Variants in WRN observed in about 807,000 individuals in gnomAD.
The protein encoded by WRN is WRN RecQ like helicase.
A neutral mutation model predicts 180.7 loss-of-function variants in WRN; 149 were observed. That is an observed-to-expected ratio of 0.82 (90% CI 0.72 to 0.94). The LOEUF (loss-of-function observed/expected upper bound fraction) is 0.94, where lower values mean the gene tolerates loss of function less well. Ranked by LOEUF, WRN falls within the 40% of genes least tolerant of loss-of-function variation. The pLI, the probability that WRN is intolerant of heterozygous loss-of-function variation, is 0.00. For synonymous variants in WRN, 548 were observed against 568.9 expected (o/e 0.96, Z 0.52); for missense variants, 1,661 against 1,700.1 (o/e 0.98, Z 0.40).
At chr8:31,128,985 A>G (rs200273078) in intron 23 of WRN, among the ~76,000 whole-genome samples, 1 of 150,652 alleles carries the variant, frequency 6.6e-6, no homozygotes, top group African/African-American at 2.4e-5. Flanking sequence ...ATTTTTTTTT[A>G]TTTTTTTGAC....
chr8:31,152,011 C>T (rs899293965), intron 31 of WRN, among the ~76,000 whole-genome samples: 1 of 151,590 alleles, frequency 6.6e-6, no homozygotes. Flanking sequence ...GAAAAATATG[C>T]TAAAATATTT....
At chr8:31,049,566 G>A (rs1420017104) in intron 1 of WRN, among the ~76,000 whole-genome samples, 1 of 109,210 alleles carries the variant, frequency 9.2e-6, no homozygotes. Flanking sequence ...TTTGAGTGAG[G>A]TCCAATGGGT....
chr8:31,163,928 C>T (rs1803741052), intron 33 of WRN, among the ~76,000 whole-genome samples: 1 of 150,676 alleles, frequency 6.6e-6, no homozygotes, highest in Admixed American at 6.6e-5. Flanking sequence ...TCATAGCTTA[C>T]TGCAGCCTTG....
intron 33 of WRN, among the ~76,000 whole-genome samples, chr8:31,166,371 A>G (rs1169495339): frequency 6.6e-6 from 1 of 152,186 alleles, no homozygotes; most frequent in Non-Finnish European, 1.5e-5. Flanking sequence ...AGGGTGCTAC[A>G]TAATTTTAGA....
At chr8:31,094,379 T>G (rs1229172984) in intron 16 of WRN, among the ~76,000 whole-genome samples, 1 of 150,838 alleles carries the variant, frequency 6.6e-6, no homozygotes, top group Non-Finnish European at 1.5e-5. Flanking sequence ...AGGGTCTCCC[T>G]CTGTCTCCCG....
In WRN at chr8:31,059,206, T is replaced by C. The variant is rs1457303497; in HGVS notation, c.150T>C (p.Thr50=). The part of the protein sequence containing the change: ...FEDDLPFLEF[T]GSIVYSYDAS... ...ATGACCTCCCCTTCTTAGAATTCAC[T>C]GGATCCATTGTGTATAGTTACGATG... The change falls in exon 3 of 35, where the codon ACT becomes ACC. Residue 50 remains threonine (T), a synonymous_variant. Transcript: ENST00000298139. 1 of 1,613,800 alleles carries C rather than the reference T, an allele frequency of 6.2e-7. No individual in the cohort carries two copies. Among genetic ancestry groups the C allele is most frequent in the Non-Finnish European group, 8.5e-7 (1 of 1,179,906 alleles).
In WRN at chr8:31,058,404, T is replaced by C; in HGVS notation, c.-44T>C. 6.5e-7 allele frequency: 1 copy of C among 1,535,634 alleles called. No individual in the cohort carries two copies. ...TCAGATATTGTTTTGTATTTACCCA[T>C]GAAGACATTGTTTTTTGGACTCTGC... is the stretch of plus-strand genomic sequence containing the variant. On this transcript the variant is annotated 5_prime_UTR_variant, in exon 2 of 35. The change abolishes an upstream ATG in the 5' untranslated region. Coordinates refer to ENST00000298139, the MANE Select transcript of WRN (RefSeq NM_000553.6).
chr8:31,078,738 T>A (rs1311309492), intron 8 of WRN, among the ~76,000 whole-genome samples: 1 of 152,224 alleles, frequency 6.6e-6, no homozygotes, highest in East Asian at 1.9e-4. Flanking sequence ...CTTGACATTC[T>A]GCTGGGTGCT....
At chr8:31,077,088 C>T (rs958150749) in intron 8 of WRN, among the ~76,000 whole-genome samples, 1 of 152,132 alleles carries the variant, frequency 6.6e-6, no homozygotes, top group African/African-American at 2.4e-5. Flanking sequence ...CGAAAAAGTG[C>T]AGTTAATGTA....
intron 23 of WRN, 110 bp downstream of exon 23, chr8:31,125,110 AC>A (rs1001617466): frequency 1.9e-5 from 20 of 1,035,786 alleles, no homozygotes; most frequent in Non-Finnish European, 3.0e-5. Flanking sequence ...TTTAAACAAA[AC>A]AATGAATGTG....
intron 21 of WRN, among the ~76,000 whole-genome samples, chr8:31,122,860 G>GTTTT (rs71206298): frequency 0.018 from 1,238 of 69,436 alleles, 139 homozygotes; most frequent in African/African-American, 0.041. Context: ...TTCTTTTCTT[G>GTTTT]TTTTTTTTTT....
Position 31,120,295 on chromosome 8 carries a change from G to A in WRN, c.2501G>A (p.Arg834His), listed in dbSNP as rs201442356. Residue 834 changes from arginine (R) to histidine (H), a missense_variant, in exon 21 of 35, where the codon CGC (arginine) becomes CAC (histidine). Transcript: ENST00000298139. ...ATGGGCATTAATAAAGCTGACATTC[G>A]CCAAGTCATTCATTACGGTGCTCCT... is the stretch of plus-strand genomic sequence containing the variant. Reference protein sequence around the residue: ...FGMGINKADIRQVIHYGAPKD... With the variant: ...FGMGINKADIHQVIHYGAPKD... 2.5e-5 allele frequency: 41 copies of A among 1,612,878 alleles called. No homozygotes were observed. The highest frequency in any genetic ancestry group is 3.3e-5 in the South Asian group (3 of 91,054).
intron 3 of WRN, among the ~76,000 whole-genome samples, chr8:31,060,241 T>A (rs1812438894): frequency 6.6e-6 from 1 of 151,080 alleles, no homozygotes; most frequent in Non-Finnish European, 1.5e-5. Context: ...ACCTGTCTTT[T>A]AAAAAAAAAA....
intron 32 of WRN, 87 bp from the exon 33 acceptor site, chr8:31,157,281 A>G: frequency 1.3e-6 from 2 of 1,568,416 alleles, no homozygotes; most frequent in Non-Finnish European, 1.7e-6. Flanking sequence ...CTGAGCATTT[A>G]CTACCTGAAT....
At chr8:31,167,653 T>C (rs1323491216) in intron 34 of WRN, among the ~76,000 whole-genome samples, 1 of 152,118 alleles carries the variant, frequency 6.6e-6, no homozygotes, top group Non-Finnish European at 1.5e-5. Context: ...ATTGAATATC[T>C]GAGGTACCAG....
rs575399689 is a variant in WRN at position 31,137,836 on chromosome 8, T to C, written c.2968-3594T>C. Among the ~76,000 whole-genome samples, 8 of 151,914 alleles carry C rather than the reference T, an allele frequency of 5.3e-5. No homozygotes were observed. In the South Asian group the frequency reaches 1.7e-3, roughly 31 times the overall value. On this transcript the variant is annotated intron_variant, in intron 24 of 34. Coordinates refer to ENST00000298139, the MANE Select transcript of WRN (RefSeq NM_000553.6). ...TATAATAAGAAAAAATTAGCATTTA[T>C]GCCTGTAATCCCAGCACTTTGGGAG...
chr8:31,100,333 T>G (rs1261691002), intron 17 of WRN, among the ~76,000 whole-genome samples: 1 of 152,204 alleles, frequency 6.6e-6, no homozygotes, highest in Non-Finnish European at 1.5e-5. Flanking sequence ...TCCCATACCA[T>G]TTTACATTAG....
chr8:31,157,462 G>A lies in WRN; in HGVS notation c.3914G>A (p.Arg1305Gln), dbSNP rs775535952. Residue 1305 changes from arginine to glutamine, a missense_variant, in exon 33 of 35, where the codon CGA becomes CAA. Around this residue, in one of 3 missense-constraint regions of WRN, gnomAD observed 1,141 missense variants for 1,149.4 expected, o/e 0.99. Coordinates refer to ENST00000298139, the MANE Select transcript of WRN (RefSeq NM_000553.6). ...GCTGGCTGCCCCCTTGATTTGGAGC[G>A]AGCAGGCCTGACTCCAGAGGTTCAG... is the stretch of plus-strand genomic sequence containing the variant. Reference protein sequence around the residue: ...VKAGCPLDLERAGLTPEVQKI... With the variant: ...VKAGCPLDLEQAGLTPEVQKI... 1.9e-6 allele frequency: 3 copies of A among 1,614,052 alleles called. No individual in the cohort carries two copies. Among genetic ancestry groups the A allele is most frequent in the South Asian group, 2.2e-5 (2 of 91,064 alleles).
chr8:31,115,055 C>G (rs1256186952), intron 19 of WRN, among the ~76,000 whole-genome samples: 1 of 151,926 alleles, frequency 6.6e-6, no homozygotes, highest in Non-Finnish European at 1.5e-5. Flanking sequence ...GCCACCATGC[C>G]CTGCTAATTT....
Sources: gnomAD v4.1 joint callset for allele counts (sites outside exome capture counted in the v4.1 genomes callset) on GRCh38, gnomAD v4.1.1 for gene constraint, gnomAD v4.1.1 regional missense constraint, MANE v1.5 for transcripts, NCBI Gene and HGNC (gene_info 2026-07-23, HGNC 2026-07-21) for gene names.